Variants in DAPK1 observed in about 807,000 individuals in gnomAD.
DAPK1 encodes the protein death-associated protein kinase 1.
DAPK1 carries 56 observed loss-of-function variants against 144.9 expected under a neutral mutation model. The observed-to-expected ratio is 0.39, with a 90% confidence interval of 0.31 to 0.48. The LOEUF is 0.48. Among genes scored for constraint, DAPK1 ranks in the 20% least tolerant of loss-of-function variants. DAPK1 has a pLI of 0.95. For missense variants in DAPK1, 1,454 were observed against 1,875.4 expected (o/e 0.78, Z 4.15); for synonymous variants, 690 against 749.0 (o/e 0.92, Z 1.29).
intron 2 of DAPK1, among the ~76,000 whole-genome samples, chr9:87,540,451 AAAGTGC>A: frequency 6.6e-6 from 1 of 152,098 alleles, no homozygotes; most frequent in Non-Finnish European, 1.5e-5. Flanking sequence ...TCAGCCTCCC[AAAGTGC>A]TGAGGTTACC....
At chr9:87,653,527 A>G (rs1390414943) in intron 17 of DAPK1, among the ~76,000 whole-genome samples, 1 of 152,008 alleles carries the variant, frequency 6.6e-6, no homozygotes, top group Non-Finnish European at 1.5e-5. Flanking sequence ...GTGTGTGTGT[A>G]CATGCATGTG....
In DAPK1 at chr9:87,517,045, A is replaced by G. The variant is rs532500392; in HGVS notation, c.62+17906A>G. ...TCACAACCTCTCTCTTCCTGCCCCC[A>G]TAGTCCCACCAGTGCCTCTCATTAG... is the stretch of plus-strand genomic sequence containing the variant. On this transcript the variant is annotated intron_variant, in intron 2 of 25. Transcript: ENST00000408954. 2.6e-5 allele frequency among the ~76,000 whole-genome samples: 4 copies of G among 152,232 alleles called. No homozygotes were observed. The South Asian group carries it at 6.2e-4, about 24-fold the overall frequency.
At chr9:87,572,408 G>A (rs2118757446) in intron 2 of DAPK1, among the ~76,000 whole-genome samples, 1 of 152,268 alleles carries the variant, frequency 6.6e-6, no homozygotes, top group East Asian at 1.9e-4. Flanking sequence ...GTCACCTGAG[G>A]ATCAGGCAGA....
Position 87,703,237 on chromosome 9 carries a change from G to A in DAPK1, c.3060+20G>A. On this transcript the variant is annotated intron_variant, in intron 25 of 25. Transcript: ENST00000408954. Reference sequence around the variant, plus strand: ...GGCGAGGTGAGCCCCTGGGAGCCCAGGCAGGGGGCCGTGAGAGGTGCCAGG... The same window carrying A: ...GGCGAGGTGAGCCCCTGGGAGCCCAAGCAGGGGGCCGTGAGAGGTGCCAGG... 7 of 1,524,100 alleles carry A rather than the reference G, an allele frequency of 4.6e-6. No individual in the cohort carries two copies. The highest frequency in any genetic ancestry group is 6.4e-6 in the Non-Finnish European group (7 of 1,099,974). The allele number at this position is 1,524,100 out of a possible 1,614,324, so 94.4% of individuals were successfully genotyped here. A position where few individuals can be genotyped will look rare whatever the true frequency, so the allele number is the denominator to read the frequency against.
chr9:87,677,879 G>A (rs574722105), intron 19 of DAPK1, among the ~76,000 whole-genome samples: 281 of 152,302 alleles, frequency 1.8e-3, no homozygotes, highest in Non-Finnish European at 2.9e-3. Context: ...GTCGGTGGCA[G>A]CGCGGCAGCA....
chr9:87,706,200 C>T lies in DAPK1; in HGVS notation c.3129C>T (p.Asn1043=), dbSNP rs36220444. The T allele has an allele frequency of 0.015, 24,974 of 1,612,316 alleles. 269 individuals carry two copies. Among genetic ancestry groups the T allele is most frequent in the African/African-American group, 0.049 (3,712 of 74,990 alleles). The change falls in exon 26 of 26, where the codon AAC becomes AAT. Residue 1043 remains asparagine (N), a synonymous_variant. Transcript: ENST00000408954. The surrounding 1 kb of genome is among the most constrained non-coding windows in gnomAD (Gnocchi z 9.0). ...LLLDPRWLCT[N]VLGKLLSVET... ...TGGACCCCCGCTGGCTCTGCACAAACGTCCTGGGGAAGTTGCTGTCCGTGG... is the reference window on the plus strand; with the variant it reads ...TGGACCCCCGCTGGCTCTGCACAAATGTCCTGGGGAAGTTGCTGTCCGTGG...
intron 2 of DAPK1, among the ~76,000 whole-genome samples, chr9:87,540,092 T>TGAGA (rs368888416): frequency 4.0e-5 from 6 of 151,400 alleles, no homozygotes; most frequent in African/African-American, 1.5e-4. Context: ...GAAGATATTT[T>TGAGA]GAGAGAGAGA....
chr9:87,633,395 A>T, intron 3 of DAPK1: 1 of 985,220 alleles, frequency 1.0e-6, no homozygotes, highest in African/African-American at 1.7e-5. Context: ...CCTTCTGGGC[A>T]TCAGTTGATA....
intron 9 of DAPK1, among the ~76,000 whole-genome samples, chr9:87,641,264 C>T (rs1239731948): frequency 1.3e-5 from 2 of 152,206 alleles, no homozygotes; most frequent in African/African-American, 4.8e-5. Context: ...GGCACAGGTG[C>T]CTTGGTGCTA....
chr9:87,622,307 G>A (rs1002508890), intron 3 of DAPK1, among the ~76,000 whole-genome samples: 2 of 152,004 alleles, frequency 1.3e-5, no homozygotes, highest in Non-Finnish European at 2.9e-5. Context: ...TCCTTCGTAG[G>A]TGTGACAACC....
In DAPK1 at chr9:87,599,982, C is replaced by A. The variant is rs984678742; in HGVS notation, c.63-4972C>A. ...GCATGCCTGAATGAAGCTTATCTAA[C>A]ACACATAGTCTCTCCCTGAGTCATA... On this transcript the variant is annotated intron_variant, in intron 2 of 25. Transcript: ENST00000408954. Among the ~76,000 whole-genome samples the A allele has an allele frequency of 2.0e-5, 3 of 152,206 alleles. No individual in the cohort carries two copies. In the South Asian group the frequency reaches 6.2e-4, roughly 31 times the overall value.
intron 2 of DAPK1, among the ~76,000 whole-genome samples, chr9:87,574,350 C>T (rs1049060818): frequency 6.6e-6 from 1 of 152,156 alleles, no homozygotes; most frequent in African/African-American, 2.4e-5. Context: ...TTGGGATAAA[C>T]AACTACCGTC....
chr9:87,706,356 G>C lies in DAPK1; in HGVS notation c.3285G>C (p.Leu1095=). The part of the protein sequence containing the change: ...LDAMDICARD[L]SSGTMVDVPA... ...CCATGGACATCTGCGCCCGGGACCT[G>C]AGCAGCGGGACCATGGTGGACGTCC... The change falls in exon 26 of 26, where the codon CTG becomes CTC. Residue 1095 remains leucine (L), a synonymous_variant. Coordinates refer to ENST00000408954, the MANE Select transcript of DAPK1 (RefSeq NM_004938.4). The surrounding 1 kb of genome is among the most constrained non-coding windows in gnomAD (Gnocchi z 9.0). 1 of 1,608,736 alleles carries C rather than the reference G, an allele frequency of 6.2e-7. No homozygotes were observed. The highest frequency in any genetic ancestry group is 8.5e-7 in the Non-Finnish European group (1 of 1,177,452).
At chr9:87,536,992 T>TC (rs2118421876) in intron 2 of DAPK1, among the ~76,000 whole-genome samples, 1 of 152,078 alleles carries the variant, frequency 6.6e-6, no homozygotes, top group African/African-American at 2.4e-5. Flanking sequence ...AGTTTTCTTT[T>TC]TTTTTTTTTT....
chr9:87,497,818 C>T (rs988487257), upstream of DAPK1: 8 of 382,208 alleles, frequency 2.1e-5, no homozygotes, highest in Non-Finnish European at 3.2e-5. Context: ...CCCCATTGGC[C>T]GCCTGCCGGC....
intron 24 of DAPK1, among the ~76,000 whole-genome samples, chr9:87,700,769 G>A (rs1825431455): frequency 6.6e-6 from 1 of 152,074 alleles, no homozygotes; most frequent in African/African-American, 2.4e-5. Context: ...CCAAAGTGCT[G>A]AGATTACAGG....
chr9:87,499,160 G>A, intron 2 of DAPK1, 21 bp downstream of exon 2: 1 of 1,606,224 alleles, frequency 6.2e-7, no homozygotes, highest in Non-Finnish European at 8.5e-7. Context: ...TACCAGAAGC[G>A]TACCCTCCTG....
chr9:87,652,527 A>T (rs1174281658), intron 17 of DAPK1, among the ~76,000 whole-genome samples: 2 of 117,916 alleles, frequency 1.7e-5, no homozygotes, highest in African/African-American at 3.3e-5. Context: ...TTCTGTGTCC[A>T]TGCCCCCGAT....
upstream of DAPK1, chr9:87,497,684 G>C (rs919642252): frequency 1.0e-4 from 20 of 198,802 alleles, no homozygotes; most frequent in African/African-American, 4.6e-4. Context: ...GCGCGGTAGA[G>C]CGCGCCAGCG....
Sources: allele counts gnomAD v4.1 joint callset (sites outside exome capture counted in the v4.1 genomes callset), GRCh38; gene constraint gnomAD v4.1.1; non-coding constraint Gnocchi (gnomAD v3.1); transcripts MANE v1.5; gene names NCBI Gene and HGNC (gene_info 2026-07-23, HGNC 2026-07-21).